The following COLEC12 variants were observed in gnomAD, a reference collection of about 807,000 sequenced individuals.
COLEC12 encodes the protein collectin-12.
Under a neutral mutation model 71.1 loss-of-function variants are expected in COLEC12, and 33 were observed. The observed-to-expected ratio is 0.46, with a 90% CI of 0.35 to 0.62. The LOEUF (loss-of-function observed/expected upper bound fraction) is 0.62. COLEC12 is among the 20% of genes least tolerant of loss of function. The pLI is 0.00. For missense variants in COLEC12, 765 were observed against 916.1 expected, an observed-to-expected ratio of 0.84 and a Z score of 2.13; for synonymous variants, 350 against 353.0, an observed-to-expected ratio of 0.99 and a Z score of 0.10.
intron 2 of COLEC12, among the ~76,000 whole-genome samples, chr18:440,146 CTT>C (rs141559286): frequency 0.018 from 2,660 of 151,640 alleles, 85 homozygotes; most frequent in African/African-American, 0.061. Context: ...TATGTGGAAT[CTT>C]TAAAAAAAAA....
Position 362,578 on chromosome 18 carries a change from T to C in COLEC12, c.59-5056A>G, listed in dbSNP as rs1598338934. On this transcript the variant is annotated intron_variant, in intron 2 of 9. Transcript: ENST00000400256. This position sits in a 1 kb window ranked among gnomAD's most constrained non-coding sequence, Gnocchi z 4.6. ...CCAGAGCCTGGGGACTTTGTTCCCA[T>C]GGCGGGGTGGGGGTGGGCAGGGAAG... 7.6e-6 allele frequency among the ~76,000 whole-genome samples: 1 copy of C among 130,802 alleles called. No individual in the cohort carries two copies. Among genetic ancestry groups the C allele is most frequent in the Non-Finnish European group, 1.6e-5 (1 of 61,462 alleles). 85.8% of individuals were successfully genotyped at this position (130,802 alleles called of 152,430 possible).
intron 2 of COLEC12, among the ~76,000 whole-genome samples, chr18:422,502 T>C (rs1916117657): frequency 6.6e-6 from 1 of 152,146 alleles, no homozygotes; most frequent in South Asian, 2.1e-4. Context: ...GAACTCAAGA[T>C]ATACAAATGC....
chr18:439,572 TAAG>T (rs1916473847), intron 2 of COLEC12, among the ~76,000 whole-genome samples: 1 of 151,620 alleles, frequency 6.6e-6, no homozygotes, highest in African/African-American at 2.4e-5. Context: ...ATTTTAAAAA[TAAG>T]GTTATTGAAA....
intron 2 of COLEC12, among the ~76,000 whole-genome samples, chr18:366,730 C>T (rs1359925393): frequency 1.3e-5 from 2 of 152,216 alleles, no homozygotes; most frequent in African/African-American, 4.8e-5. Flanking sequence ...TCCCTGCCCC[C>T]AAATTGGAAT....
intron 2 of COLEC12, among the ~76,000 whole-genome samples, chr18:472,151 G>A (rs1917210807): frequency 6.6e-6 from 1 of 152,158 alleles, no homozygotes; most frequent in Admixed American, 6.6e-5. Flanking sequence ...GTATTCTAGA[G>A]GAGGACGCTC....
At chr18:447,526 C>A (rs544935795) in intron 2 of COLEC12, among the ~76,000 whole-genome samples, 1 of 152,292 alleles carries the variant, frequency 6.6e-6, no homozygotes, top group South Asian at 2.1e-4. Context: ...CCATGCCAGA[C>A]CAAGTGAAAC....
intron 2 of COLEC12, among the ~76,000 whole-genome samples, chr18:470,660 T>C (rs936344357): frequency 6.6e-6 from 1 of 151,932 alleles, no homozygotes; most frequent in Non-Finnish European, 1.5e-5. Context: ...GAGGCTGAGG[T>C]GGGAGAATCA....
chr18:335,378 C>T, intron 5 of COLEC12, 148 bp from the exon 6 acceptor site: 1 of 840,832 alleles, frequency 1.2e-6, no homozygotes, highest in Non-Finnish European at 1.7e-6. Flanking sequence ...TATCATACTA[C>T]TGTAGACTGT....
intron 1 of COLEC12, among the ~76,000 whole-genome samples, chr18:498,363 C>CTTTTTTTTTTTTTTTTTTTTTTTT (rs542727500): frequency 9.9e-6 from 1 of 100,762 alleles, no homozygotes; most frequent in Non-Finnish European, 1.9e-5. Flanking sequence ...TATTTTTTTT[C>CTTTTTTTTTTTTTTTTTTTTTTTT]TTTTTTTTTT....
chr18:402,842 C>T (rs1451853358), intron 2 of COLEC12, among the ~76,000 whole-genome samples: 1 of 151,908 alleles, frequency 6.6e-6, no homozygotes, highest in Non-Finnish European at 1.5e-5. Context: ...GGGTCTGAAG[C>T]GTCTCTCAGG....
At chr18:406,723 T>C (rs1248660270) in intron 2 of COLEC12, among the ~76,000 whole-genome samples, 1 of 152,230 alleles carries the variant, frequency 6.6e-6, no homozygotes, top group African/African-American at 2.4e-5. Context: ...ACAACTGGAC[T>C]GGAGTCAGGC....
chr18:381,477 A>AAAT (rs937803376), intron 2 of COLEC12, among the ~76,000 whole-genome samples: 1 of 152,214 alleles, frequency 6.6e-6, no homozygotes, highest in East Asian at 1.9e-4. Context: ...GTGTCAATTA[A>AAAT]AATAATAATA....
chr18:331,435 A>T (rs1176634015), intron 8 of COLEC12, among the ~76,000 whole-genome samples: 1 of 152,152 alleles, frequency 6.6e-6, no homozygotes, highest in East Asian at 1.9e-4. Flanking sequence ...TTTCTTAGAA[A>T]TGAAAAAAAA....
At chr18:450,479 G>A (rs1029186198) in intron 2 of COLEC12, among the ~76,000 whole-genome samples, 1 of 152,194 alleles carries the variant, frequency 6.6e-6, no homozygotes, top group African/African-American at 2.4e-5. Flanking sequence ...TGGCCATTAA[G>A]ATGTGCCTGC....
At chr18:485,126 T>C (rs1434856571) in intron 1 of COLEC12, among the ~76,000 whole-genome samples, 1 of 152,254 alleles carries the variant, frequency 6.6e-6, no homozygotes, top group Non-Finnish European at 1.5e-5. Flanking sequence ...TGCTACATTC[T>C]GTCCTCAAAA....
At chr18:489,324 C>A (rs963524381) in intron 1 of COLEC12, among the ~76,000 whole-genome samples, 2 of 152,152 alleles carry the variant, frequency 1.3e-5, no homozygotes, top group Non-Finnish European at 2.9e-5. Flanking sequence ...TGCAGACCAG[C>A]AGAATCCCCA....
Position 318,488 on chromosome 18 carries a change from G to GTTTTTTTTT in COLEC12, c.*1548_*1556dup. 1.0e-5 allele frequency: 1 copy of GTTTTTTTTT among 99,058 alleles called. No individual in the cohort carries two copies. Among genetic ancestry groups the GTTTTTTTTT allele is most frequent in the Non-Finnish European group, 1.9e-5 (1 of 53,834 alleles). The allele number at this position is 99,058 out of a possible 1,614,324, so 6.1% of individuals were successfully genotyped here. A position where few individuals can be genotyped will look rare whatever the true frequency, so the allele number is the denominator to read the frequency against. Reference sequence around the variant, plus strand: ...AAAGGAAGATGGGCTCAGAGGAAAGGTTTTTTTTTTTTTTTTTTTTTTGAG... The same window carrying GTTTTTTTTT: ...AAAGGAAGATGGGCTCAGAGGAAAGGTTTTTTTTTTTTTTTTTTTTTTTTTTTTTTTGAG... On this transcript the variant is annotated 3_prime_UTR_variant, in exon 10 of 10. Transcript: ENST00000400256.
chr18:480,764 GAGA>G lies in COLEC12; in HGVS notation c.8-10_8-8del, dbSNP rs759270163. The G allele has an allele frequency of 1.9e-5, 31 of 1,613,700 alleles. No homozygotes were observed. Among genetic ancestry groups the G allele is most frequent in the East Asian group, 4.5e-5 (2 of 44,890 alleles). ...TCCTCCTCTGCGAAGTCGTCTGTGA[GAGA>G]AGAAGAGACACGATGTTAATCCTGG... On this transcript the variant is annotated splice_region_variant and splice_polypyrimidine_tract_variant and intron_variant, in intron 1 of 9. Coordinates refer to ENST00000400256, the MANE Select transcript of COLEC12 (RefSeq NM_130386.3). The surrounding 1 kb of genome is among the most constrained non-coding windows in gnomAD (Gnocchi z 4.1).
At chr18:369,401 TTTTTTATTTTTA>T (rs1314793209) in intron 2 of COLEC12, among the ~76,000 whole-genome samples, 25 of 132,454 alleles carry the variant, frequency 1.9e-4, no homozygotes, top group South Asian at 4.7e-4. Flanking sequence ...TTTTTTATTT[TTTTTTATTTTTA>T]TTTTTATTTT....
Sources: allele counts gnomAD v4.1 joint callset (sites outside exome capture counted in the v4.1 genomes callset), GRCh38; gene constraint gnomAD v4.1.1; non-coding constraint Gnocchi (gnomAD v3.1); transcripts MANE v1.5; gene names NCBI Gene and HGNC (gene_info 2026-07-23, HGNC 2026-07-21).